Variants in NUCB2 observed in about 807,000 individuals in gnomAD.
NUCB2 encodes the protein nucleobindin-2.
In NUCB2, 48 loss-of-function variants were observed where a neutral mutation model predicts 57.9. The ratio of observed to expected loss-of-function variants is 0.83; its 90% CI spans 0.66 to 1.05. The LOEUF is 1.05. Among genes scored for constraint, NUCB2 ranks in the 50% least tolerant of loss-of-function variants. NUCB2 has a pLI of 0.00. For synonymous variants in NUCB2, 139 were observed against 152.1 expected (o/e 0.91, Z 0.64); for missense variants, 442 against 476.2 (o/e 0.93, Z 0.67).
At chr11:17,288,681 G>C (rs1328218277) in intron 2 of NUCB2, among the ~76,000 whole-genome samples, 1 of 145,996 alleles carries the variant, frequency 6.8e-6, no homozygotes, top group Non-Finnish European at 1.5e-5. Context: ...CAGCCTCCCG[G>C]GTAGCTGGGA....
intron 11 of NUCB2, among the ~76,000 whole-genome samples, chr11:17,321,477 C>T (rs937682787): frequency 6.6e-6 from 1 of 152,054 alleles, no homozygotes; most frequent in Non-Finnish European, 1.5e-5. Context: ...GTATAAGTAC[C>T]ACATTTTCTT....
At chr11:17,338,279 A>G (rs1951969696) in intron 2 of NUCB2, among the ~76,000 whole-genome samples, 1 of 152,108 alleles carries the variant, frequency 6.6e-6, no homozygotes, top group Non-Finnish European at 1.5e-5. Flanking sequence ...ATATATATAT[A>G]ATTTTCACAG....
chr11:17,302,906 T>A (rs986731528), intron 5 of NUCB2, among the ~76,000 whole-genome samples: 2 of 152,014 alleles, frequency 1.3e-5, no homozygotes, highest in Non-Finnish European at 2.9e-5. Flanking sequence ...ACCCAGCTAA[T>A]TTTTTGTATT....
chr11:17,290,883 G>A (rs948133140), intron 2 of NUCB2, among the ~76,000 whole-genome samples: 2 of 151,690 alleles, frequency 1.3e-5, no homozygotes, highest in Non-Finnish European at 2.9e-5. Flanking sequence ...GGATTTTTTT[G>A]CTCTATTTTT....
chr11:17,305,891 G>A (rs1210134658), intron 5 of NUCB2, among the ~76,000 whole-genome samples: 1 of 152,024 alleles, frequency 6.6e-6, no homozygotes, highest in Non-Finnish European at 1.5e-5. Flanking sequence ...CTCCTAAAGT[G>A]CAGGGATTAT....
chr11:17,347,317 G>A (rs778342116), intron 2 of NUCB2, among the ~76,000 whole-genome samples: 3 of 152,186 alleles, frequency 2.0e-5, no homozygotes, highest in Non-Finnish European at 4.4e-5. Context: ...AGGAGTGACT[G>A]AATAGAAACA....
chr11:17,292,953 A>T (rs777046051), intron 2 of NUCB2, among the ~76,000 whole-genome samples: 2 of 152,150 alleles, frequency 1.3e-5, no homozygotes, highest in African/African-American at 2.4e-5. Flanking sequence ...TGACTTTGTC[A>T]CTTCAAGATG....
chr11:17,298,487 G>A (rs12291236), intron 4 of NUCB2, among the ~76,000 whole-genome samples: 2,854 of 151,886 alleles, frequency 0.019, 92 homozygotes, highest in African/African-American at 0.065. Flanking sequence ...AGGATCACTC[G>A]AGCCCAGGAG....
At chr11:17,339,830 T>C (rs1229532393) in intron 2 of NUCB2, among the ~76,000 whole-genome samples, 4 of 152,182 alleles carry the variant, frequency 2.6e-5, no homozygotes, top group Non-Finnish European at 5.9e-5. Flanking sequence ...CATGTGTCTT[T>C]ATAGCAGCAT....
chr11:17,300,278 C>G (rs1378242146), intron 4 of NUCB2, among the ~76,000 whole-genome samples: 1 of 152,176 alleles, frequency 6.6e-6, no homozygotes, highest in Non-Finnish European at 1.5e-5. Flanking sequence ...TCCCAAAGTT[C>G]TGGGATAACA....
downstream of NUCB2, chr11:17,332,506 AG>A (rs1951497001): frequency 6.7e-6 from 1 of 148,494 alleles, no homozygotes; most frequent in Non-Finnish European, 1.5e-5. Context: ...CTTCCGAGAG[AG>A]AAAACACTCA....
chr11:17,326,318 T>TG (rs938362398), intron 11 of NUCB2, among the ~76,000 whole-genome samples: 1 of 143,378 alleles, frequency 7.0e-6, no homozygotes, highest in African/African-American at 2.6e-5. Context: ...ACCGTTTTTT[T>TG]TTTTTTTTTT....
At chr11:17,344,510 T>A (rs1591648734) in intron 2 of NUCB2, among the ~76,000 whole-genome samples, 1 of 152,172 alleles carries the variant, frequency 6.6e-6, no homozygotes, top group African/African-American at 2.4e-5. Context: ...TAATGCACCT[T>A]CTTAATCACT....
chr11:17,282,210 A>ATATC (rs1942734950), intron 1 of NUCB2, among the ~76,000 whole-genome samples: 1 of 79,748 alleles, frequency 1.3e-5, no homozygotes, highest in Non-Finnish European at 2.4e-5. Context: ...CTATATATCT[A>ATATC]TATCTATATC....
intron 2 of NUCB2, among the ~76,000 whole-genome samples, chr11:17,291,719 T>A (rs1157603039): frequency 6.6e-6 from 1 of 152,078 alleles, no homozygotes; most frequent in Non-Finnish European, 1.5e-5. Context: ...AAGGAGGAGC[T>A]TTGTTTCTGC....
At chr11:17,289,652 C>A (rs1944594471) in intron 2 of NUCB2, among the ~76,000 whole-genome samples, 1 of 152,170 alleles carries the variant, frequency 6.6e-6, no homozygotes, top group East Asian at 1.9e-4. Context: ...AATATAACAT[C>A]TTGGGGGAAA....
At chr11:17,306,683 G>A (rs1056718982) in intron 5 of NUCB2, among the ~76,000 whole-genome samples, 3 of 152,092 alleles carry the variant, frequency 2.0e-5, no homozygotes, top group Non-Finnish European at 2.9e-5. Flanking sequence ...TTGGGAGGCC[G>A]AGGTGGGTGG....
At chr11:17,310,600 C>T (rs1045577151) in intron 6 of NUCB2, among the ~76,000 whole-genome samples, 2 of 151,894 alleles carry the variant, frequency 1.3e-5, no homozygotes, top group African/African-American at 4.8e-5. Flanking sequence ...GAGCCGAAAT[C>T]GTGCCACTGC....
downstream of NUCB2, among the ~76,000 whole-genome samples, chr11:17,336,614 C>T (rs936325753): frequency 6.0e-5 from 9 of 151,180 alleles, no homozygotes; most frequent in Admixed American, 1.3e-4. Context: ...ATTAGCCGGG[C>T]GTGGTGGCGG....
Sources: gnomAD v4.1 joint callset for allele counts (sites outside exome capture counted in the v4.1 genomes callset) on GRCh38, gnomAD v4.1.1 for gene constraint, MANE v1.5 for transcripts, NCBI Gene and HGNC (gene_info 2026-07-23, HGNC 2026-07-21) for gene names.